FPR3: variants seen among roughly 807,000 people sequenced by gnomAD.
FPR3 encodes the protein formyl peptide receptor 3.
For synonymous variants in FPR3, 135 were observed against 163.6 expected (o/e 0.83, Z 1.34); for missense variants, 346 against 443.2 (o/e 0.78, Z 1.97).
intron 1 of FPR3, among the ~76,000 whole-genome samples, chr19:51,808,782 T>G (rs2084077654): frequency 6.6e-6 from 1 of 152,220 alleles, no homozygotes; most frequent in Admixed American, 6.5e-5. Flanking sequence ...TCTTAAATCA[T>G]GTAGTAGTCG....
In FPR3 at chr19:51,824,357, C is replaced by T; in HGVS notation, c.609C>T (p.Ile203=). ...TTACCATGGCCAAGGTCTTTCTGAT[C>T]CTCCACTTCATTATTGGCTTCAGCG... ...VFITMAKVFL[I]LHFIIGFSVP... is the part of the protein sequence containing the mutation. Residue 203 remains isoleucine (I), a synonymous_variant, in exon 2 of 2, where the codon ATC becomes ATT. Coordinates refer to ENST00000339223, the MANE Select transcript of FPR3 (RefSeq NM_002030.5). The surrounding 1 kb of genome is among the most constrained non-coding windows in gnomAD (Gnocchi z 4.7). The T allele has an allele frequency of 6.2e-7, 1 of 1,614,100 alleles. No individual in the cohort carries two copies. Among genetic ancestry groups the T allele is most frequent in the South Asian group, 1.1e-5 (1 of 91,082 alleles).
chr19:51,824,484 G>A lies in FPR3; in HGVS notation c.736G>A (p.Val246Met), dbSNP rs1384586284. The A allele has an allele frequency of 2.5e-6, 4 of 1,613,942 alleles. No individual in the cohort carries two copies. In the African/African-American group the frequency reaches 4.0e-5, roughly 16 times the overall value. ...SSRPLRVFAA[V>M]VASFFICWFP... The stretch of plus-strand genomic sequence containing the variant: ...CCGTCCCTTACGTGTCTTCGCTGCT[G>A]TGGTGGCTTCTTTCTTCATCTGTTG... Residue 246 changes from valine (V) to methionine (M), a missense_variant, in exon 2 of 2, where the codon GTG becomes ATG. Coordinates refer to ENST00000339223, the MANE Select transcript of FPR3 (RefSeq NM_002030.5). This position sits in a 1 kb window ranked among gnomAD's most constrained non-coding sequence, Gnocchi z 4.7.
chr19:51,810,822 G>A (rs142958358), intron 1 of FPR3, among the ~76,000 whole-genome samples: 1 of 152,266 alleles, frequency 6.6e-6, no homozygotes, highest in African/African-American at 2.4e-5. Flanking sequence ...TTACTCTAGT[G>A]GGGTGTGTTC....
At chr19:51,818,858 G>C (rs1302943498) in intron 1 of FPR3, among the ~76,000 whole-genome samples, 1 of 152,154 alleles carries the variant, frequency 6.6e-6, no homozygotes, top group African/African-American at 2.4e-5. Context: ...GAAGAGTGCT[G>C]AGAAGAATAA....
chr19:51,807,259 T>C, intron 1 of FPR3, among the ~76,000 whole-genome samples: 1 of 152,182 alleles, frequency 6.6e-6, no homozygotes, highest in Non-Finnish European at 1.5e-5. Context: ...CACAGCAGGC[T>C]TGCAAGACTG....
At chr19:51,795,501 A>ATTATTTTTTTTT (rs1361472024) in intron 1 of FPR3, among the ~76,000 whole-genome samples, 170 bp downstream of exon 1, 1 of 77,076 alleles carries the variant, frequency 1.3e-5, no homozygotes, top group African/African-American at 6.0e-5. Context: ...TTCCAGTAAC[A>ATTATTTTTTTTT]TTCTTTTTTT....
intron 1 of FPR3, chr19:51,811,479 T>G (rs2084095964): frequency 6.6e-6 from 1 of 152,270 alleles, no homozygotes; most frequent in African/African-American, 2.4e-5. Flanking sequence ...TGACCTCATG[T>G]GCGCTGCCAG....
Position 51,803,212 on chromosome 19 carries a change from C to T in FPR3, c.-11+7881C>T, listed in dbSNP as rs7250757. Reference sequence around the variant, plus strand: ...TCTAGTAAATTCTCATCCTCATGTGCGCAATATTTATAAATTCCCAGGTGG... The same window carrying T: ...TCTAGTAAATTCTCATCCTCATGTGTGCAATATTTATAAATTCCCAGGTGG... On this transcript the variant is annotated intron_variant, in intron 1 of 1. Coordinates refer to ENST00000339223, the MANE Select transcript of FPR3 (RefSeq NM_002030.5). 1.3e-3 allele frequency among the ~76,000 whole-genome samples: 196 copies of T among 152,130 alleles called. 1 individual carries two copies. In the Middle Eastern group the frequency reaches 0.014, roughly 11 times the overall value.
intron 1 of FPR3, among the ~76,000 whole-genome samples, chr19:51,796,058 C>A (rs544184163): frequency 6.6e-6 from 1 of 152,216 alleles, no homozygotes; most frequent in African/African-American, 2.4e-5. Context: ...AATGAACAAA[C>A]AAATAAAGGA....
chr19:51,816,796 G>C (rs543508539), intron 1 of FPR3, among the ~76,000 whole-genome samples: 1 of 152,308 alleles, frequency 6.6e-6, no homozygotes, highest in Admixed American at 6.5e-5. Flanking sequence ...CATCAGAACT[G>C]AATTTCATTG....
intron 1 of FPR3, among the ~76,000 whole-genome samples, chr19:51,810,690 T>TGC (rs2084090392): frequency 6.6e-6 from 1 of 152,188 alleles, no homozygotes; most frequent in African/African-American, 2.4e-5. Context: ...CAAGTTCGCA[T>TGC]CAAGTGTCTC....
At chr19:51,823,681 T>C in intron 1 of FPR3, 58 bp from the exon 2 acceptor site, 1 of 1,293,094 alleles carries the variant, frequency 7.7e-7, no homozygotes. Flanking sequence ...AGTTAATGAA[T>C]AGTTGTATTG....
At chr19:51,798,476 T>C (rs73058873) in intron 1 of FPR3, among the ~76,000 whole-genome samples, 9,989 of 151,966 alleles carry the variant, frequency 0.066, 366 homozygotes, top group African/African-American at 0.088. Context: ...CTGATAATGA[T>C]AGGAAAAAAG....
chr19:51,811,252 C>T (rs897020682), intron 1 of FPR3, among the ~76,000 whole-genome samples: 4 of 141,424 alleles, frequency 2.8e-5, no homozygotes, highest in Non-Finnish European at 6.4e-5. Flanking sequence ...AGGGTGCTGC[C>T]TGTGGAAACC....
At position 51,795,501 on chromosome 19, in the gene FPR3, A is replaced by ATTTTTTTTTTTTTTTTT. The variant is rs1361472024; in HGVS notation, c.-11+172_-11+173insTTTTTTTTTTTTTTTTT. Among the ~76,000 whole-genome samples, 15 of 77,084 alleles carry ATTTTTTTTTTTTTTTTT rather than the reference A, an allele frequency of 1.9e-4. 2 individuals are homozygous for ATTTTTTTTTTTTTTTTT. The highest frequency in any genetic ancestry group is 2.1e-4 in the Non-Finnish European group (9 of 43,260). 50.6% of individuals were successfully genotyped at this position (77,084 alleles called of 152,430 possible). A position where few individuals can be genotyped will look rare whatever the true frequency, so the allele number is the denominator to read the frequency against. ...TAATTTGGTTACATGTTCCAGTAAC[A>ATTTTTTTTTTTTTTTTT]TTCTTTTTTTTTTTTTTTTTTTTTT... On this transcript the variant is annotated intron_variant, in intron 1 of 1. Transcript: ENST00000339223.
At chr19:51,814,441 C>T (rs913289553) in intron 1 of FPR3, among the ~76,000 whole-genome samples, 2 of 152,094 alleles carry the variant, frequency 1.3e-5, no homozygotes, top group African/African-American at 4.8e-5. Flanking sequence ...TATTGGATAA[C>T]GGGTACTCTC....
rs1218427039 is a variant in FPR3 at position 51,803,771 on chromosome 19, T to C, written c.-11+8440T>C. 2.0e-5 allele frequency: 3 copies of C among 152,176 alleles called. No homozygotes were observed. In the South Asian group the frequency reaches 6.2e-4, roughly 32 times the overall value. 9.4% of individuals were successfully genotyped at this position (152,176 alleles called of 1,614,324 possible). On this transcript the variant is annotated intron_variant, in intron 1 of 1. Transcript: ENST00000339223. ...GGGCTAATTAATAGACTCCCTCTAC[T>C]GCCAGGACAGGGGATTCTTACCTTT...
chr19:51,812,478 A>G (rs73566116), intron 1 of FPR3, among the ~76,000 whole-genome samples: 1,653 of 152,316 alleles, frequency 0.011, 23 homozygotes, highest in African/African-American at 0.037. Flanking sequence ...TGCTAATACT[A>G]TTCAATCAAG....
chr19:51,815,889 AAAGAAG>A lies in FPR3; in HGVS notation c.-10-7844_-10-7839del, dbSNP rs374139789. Among the ~76,000 whole-genome samples the A allele has an allele frequency of 3.5e-3, 510 of 144,356 alleles. 5 individuals carry two copies. Among genetic ancestry groups the A allele is most frequent in the African/African-American group, 0.012 (411 of 34,446 alleles). The allele number at this position is 144,356 out of a possible 152,430, so 94.7% of individuals were successfully genotyped here. On this transcript the variant is annotated intron_variant, in intron 1 of 1. Coordinates refer to ENST00000339223, the MANE Select transcript of FPR3 (RefSeq NM_002030.5). ...AAAAAAAAGAAAAAAGAAAAAAGAAAAAGAAGAAGAAAAAGAAAAGAAAAGAAATTA... is the reference window on the plus strand; with the variant it reads ...AAAAAAAAGAAAAAAGAAAAAAGAAAAAGAAAAAGAAAAGAAAAGAAATTA...
Sources: gnomAD v4.1 joint callset for allele counts (sites outside exome capture counted in the v4.1 genomes callset) on GRCh38, gnomAD v4.1.1 for gene constraint, Gnocchi (gnomAD v3.1) non-coding constraint, MANE v1.5 for transcripts, NCBI Gene and HGNC (gene_info 2026-07-23, HGNC 2026-07-21) for gene names.